EMP2: variants seen among roughly 807,000 people sequenced by gnomAD.
EMP2 encodes epithelial membrane protein 2.
EMP2 carries 19 observed loss-of-function variants against 13.7 expected under a neutral mutation model. That is an observed-to-expected ratio of 1.38 (90% confidence interval 0.97 to 2.03). The LOEUF (loss-of-function observed/expected upper bound fraction) is 2.03. Ranked by LOEUF, EMP2 falls within the 30% of genes most tolerant of loss-of-function variation. EMP2 has a pLI of 0.00. For synonymous variants in EMP2, 97 were observed against 84.7 expected (o/e 1.15, Z -0.80); for missense variants, 253 against 220.7 (o/e 1.15, Z -0.93).
At chr16:10,546,634 T>C (rs920916740) in intron 2 of EMP2, 1 of 152,046 alleles carries the variant, frequency 6.6e-6, no homozygotes, top group Non-Finnish European at 1.5e-5. Context: ...ACCTGGAAGA[T>C]CTAGGGCAGC....
intron 4 of EMP2, among the ~76,000 whole-genome samples, chr16:10,535,984 C>A (rs1031065676): frequency 6.6e-6 from 1 of 152,198 alleles, no homozygotes; most frequent in African/African-American, 2.4e-5. Context: ...CAGGCTGGGG[C>A]CTTGGGAGTC....
At chr16:10,561,119 G>A (rs896900711) in intron 1 of EMP2, among the ~76,000 whole-genome samples, 2 of 152,120 alleles carry the variant, frequency 1.3e-5, no homozygotes, top group African/African-American at 2.4e-5. Flanking sequence ...ACAGAAGGGA[G>A]GGAGCCAAGA....
chr16:10,546,678 G>T (rs1461311105), intron 2 of EMP2: 2 of 152,160 alleles, frequency 1.3e-5, no homozygotes, highest in Non-Finnish European at 2.9e-5. Context: ...GTTCTCCATG[G>T]GACATTTAAC....
chr16:10,566,949 A>T (rs1463933773), intron 1 of EMP2, among the ~76,000 whole-genome samples: 9 of 151,896 alleles, frequency 5.9e-5, no homozygotes, highest in Admixed American at 5.2e-4. Flanking sequence ...AGAGTAGTGG[A>T]CCTTTGCATG....
chr16:10,538,072 A>G lies in EMP2; in HGVS notation c.172T>C (p.Tyr58His), dbSNP rs1290744596. 1.2e-6 allele frequency: 2 copies of G among 1,613,432 alleles called. No individual in the cohort carries two copies. The highest frequency in any genetic ancestry group is 3.3e-5 in the Admixed American group (2 of 59,996). The change falls in exon 4 of 5, where the codon TAC becomes CAC. Residue 58 changes from tyrosine to histidine, a missense_variant and splice_region_variant. Physicochemically the swap from Tyr to His is moderately conservative, Grantham distance 83. Transcript: ENST00000359543. ...CTVINDSFQE[Y>H]STLQAVQATM... ...GCCTGGACCGCCTGCAGCGTGGAGTACTCTGCGGGAAAAGGGCAGGGGCGC... is the reference window on the plus strand; with the variant it reads ...GCCTGGACCGCCTGCAGCGTGGAGTGCTCTGCGGGAAAAGGGCAGGGGCGC...
rs1372804136 is a variant in EMP2, at chr16:10,532,928, G to T, written c.481C>A (p.Leu161Met). 6.3e-7 allele frequency: 1 copy of T among 1,597,608 alleles called. No individual in the cohort carries two copies. Among genetic ancestry groups the T allele is most frequent in the African/African-American group, 1.3e-5 (1 of 74,494 alleles). The part of the protein sequence containing the change: ...ACTFISGMMY[L>M]ILRKRK ...CTCTATTTGCGCTTCCTCAGTATCA[G>T]GTACATCATGCCGCTGATGAAGGTG... Residue 161 changes from leucine (L) to methionine (M), a missense_variant, in exon 5 of 5, where the codon CTG becomes ATG. By Grantham distance (15) the Leu-to-Met change is conservative. Transcript: ENST00000359543.
intron 2 of EMP2, 37 bp downstream of exon 2, chr16:10,547,503 C>T (rs1333651624): frequency 1.2e-6 from 2 of 1,610,212 alleles, no homozygotes; most frequent in Admixed American, 3.3e-5. Flanking sequence ...ACTGCAGGAC[C>T]CAGGTTTCTG....
chr16:10,545,975 C>A (rs2050735889), intron 2 of EMP2: 10 of 152,232 alleles, frequency 6.6e-5, no homozygotes, highest in Admixed American at 6.5e-4. Flanking sequence ...GGACCAGGAG[C>A]CTCTGGAATG....
intron 4 of EMP2, among the ~76,000 whole-genome samples, chr16:10,536,660 A>G (rs2050649458): frequency 6.6e-6 from 1 of 152,182 alleles, no homozygotes; most frequent in Admixed American, 6.5e-5. Context: ...CAGCTTGAGA[A>G]TGGACTAATA....
In EMP2 at chr16:10,528,775, C is replaced by G. The variant is rs1417968675; in HGVS notation, c.*4130G>C. ...GTCCAACTTGCTCTATTGTAAGTAA[C>G]CTTTAAACTATTAGCGAGTTTAGTA... On this transcript the variant is annotated 3_prime_UTR_variant, in exon 5 of 5. Transcript: ENST00000359543. 2 of 152,192 alleles carry G rather than the reference C, an allele frequency of 1.3e-5. No homozygotes were observed. Among genetic ancestry groups the G allele is most frequent in the Non-Finnish European group, 2.9e-5 (2 of 68,044 alleles). The allele number at this position is 152,192 out of a possible 1,614,324, so 9.4% of individuals were successfully genotyped here.
At position 10,543,652 on chromosome 16, in the gene EMP2, C is replaced by G. The variant is rs200358410; in HGVS notation, c.87G>C (p.Trp29Cys). 2 of 1,614,206 alleles carry G rather than the reference C, an allele frequency of 1.2e-6. No homozygotes were observed. The highest frequency in any genetic ancestry group is 1.1e-5 in the South Asian group (1 of 91,082). The change falls in exon 3 of 5, where the codon TGG becomes TGC. Residue 29 changes from tryptophan to cysteine, a missense_variant. Transcript: ENST00000359543. The stretch of plus-strand genomic sequence containing the variant: ...CATCTGCAAAAAACTCATCTCCTAC[C>G]CACCAGGCCTGTAACACAAAATGGA... ...LFIATVDNAW[W>C]VGDEFFADVW... is the part of the protein sequence containing the mutation.
intron 1 of EMP2, among the ~76,000 whole-genome samples, chr16:10,577,200 G>A (rs191989237): frequency 6.6e-6 from 1 of 152,256 alleles, no homozygotes; most frequent in East Asian, 1.9e-4. Flanking sequence ...GACTTCTAAG[G>A]TCCTTATGCC....
rs373367380 is a variant in EMP2, at chr16:10,530,284, G to A, written c.*2621C>T. On this transcript the variant is annotated 3_prime_UTR_variant, in exon 5 of 5. Transcript: ENST00000359543. The stretch of plus-strand genomic sequence containing the variant: ...GAGCCTCACACAGTGCCTGGAACAT[G>A]GTAAACATTTAATACTATCTGTCAA... 1.3e-5 allele frequency: 2 copies of A among 152,194 alleles called. No individual in the cohort carries two copies. Among genetic ancestry groups the A allele is most frequent in the Non-Finnish European group, 2.9e-5 (2 of 68,050 alleles). The allele number at this position is 152,194 out of a possible 1,614,324, so 9.4% of individuals were successfully genotyped here.
rs150904801 is a variant in EMP2, at chr16:10,574,672, C to T, written c.-61+5877G>A. 6.6e-3 allele frequency among the ~76,000 whole-genome samples: 1,003 copies of T among 152,282 alleles called. 6 individuals are homozygous for T. Among genetic ancestry groups the T allele is most frequent in the Middle Eastern group, 0.017 (5 of 294 alleles). Reference sequence around the variant, plus strand: ...GTTCACACCATTCTCCTGCCTCAGCCTCCCAAGTAGCTGGGACTACAGGTG... The same window carrying T: ...GTTCACACCATTCTCCTGCCTCAGCTTCCCAAGTAGCTGGGACTACAGGTG... On this transcript the variant is annotated intron_variant, in intron 1 of 4. Transcript: ENST00000359543.
intron 1 of EMP2, among the ~76,000 whole-genome samples, chr16:10,557,456 C>T (rs901614444): frequency 1.3e-5 from 2 of 151,876 alleles, no homozygotes; most frequent in Non-Finnish European, 2.9e-5. Flanking sequence ...ACTGGCCAAG[C>T]TGAAGCGCTT....
chr16:10,569,698 G>A (rs1567210377), intron 1 of EMP2, among the ~76,000 whole-genome samples: 1 of 152,320 alleles, frequency 6.6e-6, no homozygotes, highest in Non-Finnish European at 1.5e-5. Flanking sequence ...GTAATACACT[G>A]AAATGAACAC....
chr16:10,555,552 G>A (rs1189314096), intron 1 of EMP2, among the ~76,000 whole-genome samples: 1 of 151,812 alleles, frequency 6.6e-6, no homozygotes, highest in Admixed American at 6.6e-5. Flanking sequence ...ACAGTCTTCT[G>A]TCATACCCCT....
At chr16:10,556,064 A>G (rs983788677) in intron 1 of EMP2, among the ~76,000 whole-genome samples, 3 of 152,212 alleles carry the variant, frequency 2.0e-5, no homozygotes, top group African/African-American at 7.2e-5. Context: ...CATCATCTCA[A>G]TACAGTCTAC....
At chr16:10,571,461 G>GGA (rs2050946892) in intron 1 of EMP2, among the ~76,000 whole-genome samples, 1 of 151,994 alleles carries the variant, frequency 6.6e-6, no homozygotes, top group African/African-American at 2.4e-5. Flanking sequence ...TTTCAGGTGG[G>GGA]GACAGGAAAT....
Sources: allele counts gnomAD v4.1 joint callset (sites outside exome capture counted in the v4.1 genomes callset), GRCh38; gene constraint gnomAD v4.1.1; transcripts MANE v1.5; gene names NCBI Gene and HGNC (gene_info 2026-07-23, HGNC 2026-07-21).